MYH11: variants seen among roughly 807,000 people sequenced by gnomAD.
The protein encoded by MYH11 is myosin heavy chain 11.
In MYH11, 80 loss-of-function variants were observed where a neutral mutation model predicts 246.6. The observed-to-expected ratio is 0.32, with a 90% CI of 0.27 to 0.39. The LOEUF is 0.39. Among genes scored for constraint, MYH11 ranks in the 10% least tolerant of loss-of-function variants. MYH11 has a pLI of 1.00. For missense variants in MYH11, 2,158 were observed against 2,546.8 expected, an observed-to-expected ratio of 0.85 and a Z score of 3.29; for synonymous variants, 1,071 against 1,015.5, an observed-to-expected ratio of 1.05 and a Z score of -1.04.
At chr16:15,843,515 C>A (rs768006153) in intron 1 of MYH11, among the ~76,000 whole-genome samples, 1 of 150,492 alleles carries the variant, frequency 6.6e-6, no homozygotes, top group Non-Finnish European at 1.5e-5. Flanking sequence ...ACGGCAAAAC[C>A]CTGTCTCTAC....
At chr16:15,772,305 T>C (rs1324555504) in intron 8 of MYH11, among the ~76,000 whole-genome samples, 1 of 151,948 alleles carries the variant, frequency 6.6e-6, no homozygotes, top group East Asian at 1.9e-4. Context: ...TTGACCACAC[T>C]AGACTTGAAC....
At chr16:15,819,064 A>C (rs1042063016) in intron 3 of MYH11, among the ~76,000 whole-genome samples, 1 of 151,880 alleles carries the variant, frequency 6.6e-6, no homozygotes, top group African/African-American at 2.4e-5. Context: ...TTGTAGAGAC[A>C]AGAGCTCACT....
chr16:15,777,537 G>A (rs948889339), intron 7 of MYH11, among the ~76,000 whole-genome samples: 80 of 152,140 alleles, frequency 5.3e-4, no homozygotes, highest in African/African-American at 1.9e-3. Flanking sequence ...GGCTATGCCT[G>A]GGGCTCGCTC....
chr16:15,714,146 A>C (rs556075115), intron 40 of MYH11: 2 of 152,836 alleles, frequency 1.3e-5, no homozygotes, highest in Non-Finnish European at 1.5e-5. Context: ...GCCCGGAGCT[A>C]AAACCTCCTG....
intron 4 of MYH11, chr16:15,792,532 C>T (rs1432688505): frequency 6.6e-6 from 1 of 152,116 alleles, no homozygotes. Flanking sequence ...TTGAGGGTCA[C>T]GCATTCTTTG....
At chr16:15,753,363 A>G (rs1356739940) in intron 15 of MYH11, 31 bp downstream of exon 15, 1 of 1,591,636 alleles carries the variant, frequency 6.3e-7, no homozygotes, top group Non-Finnish European at 8.6e-7. Flanking sequence ...AGCTCAAAGC[A>G]GAACATGGAC....
In MYH11 at chr16:15,750,179, G is replaced by A; in HGVS notation, c.2017C>T (p.Pro673Ser). ...GGGATGATGCAGCGCACGAAGTTGG[G>A]CGTGGTGTTGCGTAGCGTGGTCATC... Reference protein sequence around the residue: ...KLMTTLRNTTPNFVRCIIPNH... With the variant: ...KLMTTLRNTTSNFVRCIIPNH... The change falls in exon 16 of 41, where the codon CCC becomes TCC. Residue 673 changes from proline (P) to serine (S), a missense_variant. By Grantham distance (74) the Pro-to-Ser change is moderately conservative. This residue lies in a region of MYH11 where 317 missense variants were observed against 507.7 expected (regional missense o/e 0.62). Coordinates refer to ENST00000300036, the MANE Select transcript of MYH11 (RefSeq NM_002474.3). This position sits in a 1 kb window ranked among gnomAD's most constrained non-coding sequence, Gnocchi z 4.3. 6.2e-7 allele frequency: 1 copy of A among 1,614,230 alleles called. No homozygotes were observed. Among genetic ancestry groups the A allele is most frequent in the Non-Finnish European group, 8.5e-7 (1 of 1,180,042 alleles).
intron 2 of MYH11, among the ~76,000 whole-genome samples, chr16:15,836,558 C>A (rs987921019): frequency 6.6e-6 from 1 of 151,630 alleles, no homozygotes; most frequent in African/African-American, 2.4e-5. Context: ...CACCATCATG[C>A]CCAGCTAATT....
chr16:15,832,551 T>C (rs1218286268), intron 2 of MYH11, among the ~76,000 whole-genome samples: 1 of 152,214 alleles, frequency 6.6e-6, no homozygotes, highest in Non-Finnish European at 1.5e-5. Context: ...GGTCCTCTGC[T>C]TTTTCGAGCA....
At chr16:15,795,326 G>A (rs926711411) in intron 4 of MYH11, among the ~76,000 whole-genome samples, 2 of 151,528 alleles carry the variant, frequency 1.3e-5, no homozygotes, top group Admixed American at 6.6e-5. Flanking sequence ...CAAACTGCAG[G>A]ATGGGCCAGG....
intron 1 of MYH11, among the ~76,000 whole-genome samples, chr16:15,839,430 C>T (rs1191255867): frequency 6.6e-6 from 1 of 152,102 alleles, no homozygotes; most frequent in African/African-American, 2.4e-5. Context: ...CGGTGGCTCA[C>T]GCCTGTAATC....
chr16:15,812,104 C>T (rs977353609), intron 3 of MYH11, among the ~76,000 whole-genome samples: 1 of 152,180 alleles, frequency 6.6e-6, no homozygotes, highest in Non-Finnish European at 1.5e-5. Flanking sequence ...AGTAGACAGC[C>T]TTCCGTGGGA....
At chr16:15,771,161 A>AT (rs113947945) in intron 9 of MYH11, among the ~76,000 whole-genome samples, 9,161 of 149,188 alleles carry the variant, frequency 0.061, 837 homozygotes, top group African/African-American at 0.2. Flanking sequence ...GCCCTGGCTA[A>AT]TTTTTTTTTT....
In MYH11 at chr16:15,826,138, GTTCGTTCA is replaced by G. The variant is rs1176243987; in HGVS notation, c.346-2735_346-2728del. Among the ~76,000 whole-genome samples, 110 of 150,006 alleles carry G rather than the reference GTTCGTTCA, an allele frequency of 7.3e-4. 1 individual carries two copies. The highest frequency in any genetic ancestry group is 3.0e-4 in the Non-Finnish European group (20 of 67,480). On this transcript the variant is annotated intron_variant, in intron 2 of 40. Coordinates refer to ENST00000300036, the MANE Select transcript of MYH11 (RefSeq NM_002474.3). ...CCAACAGAAACAGAAACTACTGATC[GTTCGTTCA>G]TTCATTCATTCATTCATTCATTCAT...
intron 3 of MYH11, among the ~76,000 whole-genome samples, chr16:15,812,787 C>A (rs1204749954): frequency 6.6e-6 from 1 of 152,030 alleles, no homozygotes; most frequent in African/African-American, 2.4e-5. Flanking sequence ...GTGAGAAGAT[C>A]ACTGGAGCCT....
rs749800008 is a variant in MYH11 at position 15,738,568 on chromosome 16, C to T, written c.3118G>A (p.Glu1040Lys). Residue 1040 changes from glutamate (E) to lysine (K), a missense_variant, in exon 24 of 41, where the codon GAA becomes AAA. Physicochemically the swap from Glu to Lys is moderately conservative, Grantham distance 56. Transcript: ENST00000300036. ...AATCTCTTGGTAGCTGGTTTACCTT[C>T]CAGTTCTGAAATCATAGATTCATGC... ...NKHESMISEL[E>K]VRLKKEEKSR... 1 of 1,611,654 alleles carries T rather than the reference C, an allele frequency of 6.2e-7. No homozygotes were observed. Among genetic ancestry groups the T allele is most frequent in the Non-Finnish European group, 8.5e-7 (1 of 1,179,112 alleles).
chr16:15,753,536 C>G (rs944167250), intron 14 of MYH11, 28 bp from the exon 15 acceptor site: 9 of 1,581,268 alleles, frequency 5.7e-6, no homozygotes, highest in Non-Finnish European at 7.8e-6. Flanking sequence ...CTGGTCAGAA[C>G]CCCTGGGAAA....
At chr16:15,768,324 G>A (rs1432838764) in intron 9 of MYH11, among the ~76,000 whole-genome samples, 1 of 152,158 alleles carries the variant, frequency 6.6e-6, no homozygotes, top group South Asian at 2.1e-4. Context: ...AACCAGGCCA[G>A]GCATGGTGGC....
At chr16:15,835,187 A>C (rs1262487795) in intron 2 of MYH11, among the ~76,000 whole-genome samples, 1 of 152,158 alleles carries the variant, frequency 6.6e-6, no homozygotes, top group African/African-American at 2.4e-5. Context: ...AACAGTGGAA[A>C]AATGGCCTAT....
Sources: allele counts gnomAD v4.1 joint callset (sites outside exome capture counted in the v4.1 genomes callset), GRCh38; gene constraint gnomAD v4.1.1; regional missense constraint gnomAD v4.1.1; non-coding constraint Gnocchi (gnomAD v3.1); transcripts MANE v1.5; gene names NCBI Gene and HGNC (gene_info 2026-07-23, HGNC 2026-07-21).